CDH13: variants seen among roughly 807,000 people sequenced by gnomAD.
CDH13 encodes the protein cadherin-13.
In CDH13, 24 loss-of-function variants were observed where a neutral mutation model predicts 63.8. The observed-to-expected ratio is 0.38, with a 90% CI of 0.27 to 0.53. The LOEUF (loss-of-function observed/expected upper bound fraction) is 0.53, where lower values mean the gene tolerates loss of function less well. Among genes scored for constraint, CDH13 ranks in the 20% least tolerant of loss-of-function variants. CDH13 has a pLI of 0.85. For synonymous variants in CDH13, 503 were observed against 355.3 expected (o/e 1.42, Z -4.67); for missense variants, 1,049 against 903.1 (o/e 1.16, Z -2.07).
At chr16:83,669,399 A>G (rs1165874805) in intron 8 of CDH13, among the ~76,000 whole-genome samples, 2 of 152,242 alleles carry the variant, frequency 1.3e-5, no homozygotes, top group Non-Finnish European at 2.9e-5. Flanking sequence ...TTGCTCAAGA[A>G]TTCTATGATT....
At chr16:83,039,771 A>G (rs1393649792) in intron 3 of CDH13, among the ~76,000 whole-genome samples, 1 of 151,728 alleles carries the variant, frequency 6.6e-6, no homozygotes, top group East Asian at 2.0e-4. Flanking sequence ...ATACCAAATC[A>G]CTTGTGGTTT....
intron 8 of CDH13, among the ~76,000 whole-genome samples, chr16:83,659,093 C>G (rs1430382900): frequency 7.1e-6 from 1 of 141,084 alleles, no homozygotes; most frequent in African/African-American, 2.6e-5. Context: ...GTCCCATGTC[C>G]TCACCACCAG....
At chr16:82,830,234 C>T (rs1245530262) in intron 1 of CDH13, among the ~76,000 whole-genome samples, 3 of 152,172 alleles carry the variant, frequency 2.0e-5, no homozygotes, top group Non-Finnish European at 4.4e-5. Flanking sequence ...ACAGGGAGGA[C>T]ACTTGGTACT....
intron 8 of CDH13, among the ~76,000 whole-genome samples, chr16:83,612,918 G>C (rs556417918): frequency 6.6e-6 from 1 of 151,980 alleles, no homozygotes; most frequent in South Asian, 2.1e-4. Context: ...CTGTTTTTGT[G>C]CTTCCACATG....
At chr16:83,033,942 C>T (rs1334189598) in intron 3 of CDH13, among the ~76,000 whole-genome samples, 1 of 152,074 alleles carries the variant, frequency 6.6e-6, no homozygotes, top group Non-Finnish European at 1.5e-5. Flanking sequence ...CTCCACCTGC[C>T]ATATTAGCCA....
At chr16:83,251,042 A>G (rs1006530459) in intron 5 of CDH13, among the ~76,000 whole-genome samples, 7 of 152,090 alleles carry the variant, frequency 4.6e-5, no homozygotes, top group Middle Eastern at 3.2e-3. Flanking sequence ...ACCTTCTCCA[A>G]TATATTCAGC....
intron 4 of CDH13, among the ~76,000 whole-genome samples, chr16:83,156,944 A>T (rs2037231990): frequency 6.6e-6 from 1 of 152,176 alleles, no homozygotes; most frequent in Admixed American, 6.5e-5. Context: ...TGCTCTTCAA[A>T]GGAGCAATTT....
chr16:83,622,005 A>G (rs1317467502), intron 8 of CDH13, among the ~76,000 whole-genome samples: 1 of 152,190 alleles, frequency 6.6e-6, no homozygotes, highest in Non-Finnish European at 1.5e-5. Flanking sequence ...GATAGGTCCA[A>G]TGGGAAAATA....
At chr16:83,526,191 C>T (rs1383544252) in intron 7 of CDH13, among the ~76,000 whole-genome samples, 1 of 152,218 alleles carries the variant, frequency 6.6e-6, no homozygotes, top group Non-Finnish European at 1.5e-5. Context: ...AGCCAGTCAT[C>T]AGAGTCAGAA....
chr16:83,643,255 C>A, intron 8 of CDH13, among the ~76,000 whole-genome samples: 1 of 62,098 alleles, frequency 1.6e-5, no homozygotes, highest in Admixed American at 2.1e-4. Context: ...GCACAATGTG[C>A]ACATGTACCC....
intron 5 of CDH13, among the ~76,000 whole-genome samples, chr16:83,233,601 A>C (rs1252471873): frequency 6.6e-6 from 1 of 152,122 alleles, no homozygotes; most frequent in African/African-American, 2.4e-5. Context: ...TTTGGGGGCC[A>C]CCTGCATTCT....
intron 2 of CDH13, among the ~76,000 whole-genome samples, chr16:82,924,739 C>T (rs955704717): frequency 6.6e-6 from 1 of 152,128 alleles, no homozygotes; most frequent in African/African-American, 2.4e-5. Context: ...GCCAGCCCTT[C>T]TCAGAATACA....
At chr16:83,760,738 G>A (rs1162386856) in intron 11 of CDH13, among the ~76,000 whole-genome samples, 2 of 152,192 alleles carry the variant, frequency 1.3e-5, no homozygotes, top group Non-Finnish European at 1.5e-5. Context: ...TTCAAACTGT[G>A]TGTTTGATAC....
intron 1 of CDH13, among the ~76,000 whole-genome samples, chr16:82,701,141 T>G (rs2030975650): frequency 6.6e-6 from 1 of 152,074 alleles, no homozygotes; most frequent in African/African-American, 2.4e-5. Flanking sequence ...AACTTCTGAG[T>G]AATTTTTTAT....
chr16:82,800,192 G>T (rs568898104), intron 1 of CDH13, among the ~76,000 whole-genome samples: 2 of 152,018 alleles, frequency 1.3e-5, no homozygotes, highest in African/African-American at 2.4e-5. Flanking sequence ...AAAATTTTGG[G>T]ATTATGACAA....
At chr16:82,983,299 C>G (rs1042787389) in intron 2 of CDH13, among the ~76,000 whole-genome samples, 1 of 152,162 alleles carries the variant, frequency 6.6e-6, no homozygotes, top group African/African-American at 2.4e-5. Context: ...AGTTTGATAG[C>G]TCTCCCCGCT....
At chr16:83,740,789 C>G (rs1597156337) in intron 10 of CDH13, among the ~76,000 whole-genome samples, 1 of 152,176 alleles carries the variant, frequency 6.6e-6, no homozygotes, top group Non-Finnish European at 1.5e-5. Flanking sequence ...CAAGAAGTAT[C>G]CCATCCTCCC....
At chr16:83,458,092 C>T (rs901086272) in intron 6 of CDH13, among the ~76,000 whole-genome samples, 6 of 152,140 alleles carry the variant, frequency 3.9e-5, no homozygotes, top group Non-Finnish European at 1.5e-5. Context: ...ACAGACAGAA[C>T]GCTCCTAACA....
At chr16:82,769,537 T>C (rs1016064195) in intron 1 of CDH13, among the ~76,000 whole-genome samples, 1 of 152,174 alleles carries the variant, frequency 6.6e-6, no homozygotes, top group African/African-American at 2.4e-5. Context: ...AATGGTAACA[T>C]TGAAGAGGAC....
Sources: gnomAD v4.1 joint callset for allele counts (sites outside exome capture counted in the v4.1 genomes callset) on GRCh38, gnomAD v4.1.1 for gene constraint, MANE v1.5 for transcripts, NCBI Gene and HGNC (gene_info 2026-07-23, HGNC 2026-07-21) for gene names.